ST6GAL1: variants seen among roughly 807,000 people sequenced by gnomAD.
The protein encoded by ST6GAL1 is beta-galactoside alpha-2,6-sialyltransferase 1.
In ST6GAL1, 20 loss-of-function variants were observed where a neutral mutation model predicts 38.0. That is an observed-to-expected ratio of 0.53 (90% CI 0.37 to 0.77). The LOEUF (loss-of-function observed/expected upper bound fraction) is 0.77, where lower values mean the gene tolerates loss of function less well. ST6GAL1 is among the 30% of genes least tolerant of loss of function. ST6GAL1 has a pLI of 0.00. For missense variants in ST6GAL1, 432 were observed against 496.4 expected (o/e 0.87, Z 1.23); for synonymous variants, 196 against 188.2 (o/e 1.04, Z -0.34).
At chr3:186,942,372 AG>A (rs1714209029) in intron 1 of ST6GAL1, 1 of 152,262 alleles carries the variant, frequency 6.6e-6, no homozygotes, top group East Asian at 1.9e-4. Flanking sequence ...CGTACACTTT[AG>A]ATGATCAGGA....
chr3:187,013,683 C>G (rs995063448), intron 2 of ST6GAL1, among the ~76,000 whole-genome samples: 3 of 152,206 alleles, frequency 2.0e-5, no homozygotes, highest in Non-Finnish European at 4.4e-5. Flanking sequence ...CTCCTGGGTT[C>G]AAGCTATTCT....
At chr3:186,968,156 C>T (rs956321553) in intron 2 of ST6GAL1, among the ~76,000 whole-genome samples, 2 of 152,198 alleles carry the variant, frequency 1.3e-5, no homozygotes, top group African/African-American at 4.8e-5. Flanking sequence ...AGTGGCCCAG[C>T]TTTGAAGCCA....
chr3:187,061,411 G>T (rs180982091), intron 5 of ST6GAL1, among the ~76,000 whole-genome samples: 1 of 152,058 alleles, frequency 6.6e-6, no homozygotes, highest in Non-Finnish European at 1.5e-5. Flanking sequence ...AAGGGACCCC[G>T]ATTAACCAAA....
chr3:186,965,718 G>GAA (rs1715088518), intron 2 of ST6GAL1, among the ~76,000 whole-genome samples: 4 of 152,082 alleles, frequency 2.6e-5, no homozygotes, highest in African/African-American at 9.7e-5. Context: ...TCCTCACAGA[G>GAA]CTTACATATA....
At chr3:187,016,907 A>T (rs1717133638) in intron 2 of ST6GAL1, among the ~76,000 whole-genome samples, 1 of 152,208 alleles carries the variant, frequency 6.6e-6, no homozygotes, top group Admixed American at 6.5e-5. Flanking sequence ...ACAGAAGTGA[A>T]AGGCCCACCT....
At chr3:186,998,290 GA>G (rs1418605724) in intron 2 of ST6GAL1, among the ~76,000 whole-genome samples, 1 of 152,082 alleles carries the variant, frequency 6.6e-6, no homozygotes, top group Non-Finnish European at 1.5e-5. Context: ...AACTTAATAC[GA>G]ATATCCTGTT....
intron 2 of ST6GAL1, among the ~76,000 whole-genome samples, chr3:186,970,053 T>C (rs1209294457): frequency 2.0e-5 from 3 of 152,154 alleles, no homozygotes; most frequent in Non-Finnish European, 4.4e-5. Context: ...ATCCTTCCTT[T>C]AGTTTCTTGT....
chr3:187,053,280 T>C (rs903902962), intron 5 of ST6GAL1, among the ~76,000 whole-genome samples: 4 of 152,236 alleles, frequency 2.6e-5, no homozygotes, highest in Non-Finnish European at 5.9e-5. Context: ...TTTCTTTTGC[T>C]GTGCAGAAGC....
intron 1 of ST6GAL1, among the ~76,000 whole-genome samples, chr3:186,960,123 G>T (rs549991016): frequency 1.3e-5 from 2 of 152,278 alleles, no homozygotes; most frequent in South Asian, 4.2e-4. Context: ...CCTGGTTCTG[G>T]GTCTGTGGTT....
At chr3:186,943,659 A>T (rs1178940822) in intron 1 of ST6GAL1, among the ~76,000 whole-genome samples, 2 of 152,142 alleles carry the variant, frequency 1.3e-5, no homozygotes, top group Non-Finnish European at 2.9e-5. Flanking sequence ...CATGTTGGTC[A>T]GGCTGGTCTC....
At chr3:186,962,120 G>T (rs188392822) in intron 1 of ST6GAL1, among the ~76,000 whole-genome samples, 2 of 152,240 alleles carry the variant, frequency 1.3e-5, no homozygotes, top group East Asian at 1.9e-4. Flanking sequence ...TTTGTTGTTC[G>T]CCCTGTTCTG....
chr3:187,043,981 G>T (rs1177802353), intron 4 of ST6GAL1: 1 of 152,204 alleles, frequency 6.6e-6, no homozygotes, highest in Non-Finnish European at 1.5e-5. Flanking sequence ...CTGCAATTGC[G>T]TGCAAAACTG....
chr3:186,996,330 G>A (rs1716403903), intron 2 of ST6GAL1, among the ~76,000 whole-genome samples: 2 of 152,178 alleles, frequency 1.3e-5, no homozygotes, highest in Admixed American at 1.3e-4. Context: ...TTGGAATTAG[G>A]AAGAAACATG....
At chr3:186,986,956 A>G (rs573978236) in intron 2 of ST6GAL1, among the ~76,000 whole-genome samples, 31 of 126,376 alleles carry the variant, frequency 2.5e-4, no homozygotes, top group Middle Eastern at 3.7e-3. Context: ...TCAGAACCAA[A>G]GGTTTTCTTT....
intron 2 of ST6GAL1, among the ~76,000 whole-genome samples, chr3:186,997,266 G>T (rs560311050): frequency 6.6e-6 from 1 of 152,168 alleles, no homozygotes; most frequent in South Asian, 2.1e-4. Context: ...CAATGACCAG[G>T]GTGTCACCCC....
At chr3:187,002,581 G>A (rs1716656763) in intron 2 of ST6GAL1, among the ~76,000 whole-genome samples, 1 of 152,220 alleles carries the variant, frequency 6.6e-6, no homozygotes, top group African/African-American at 2.4e-5. Flanking sequence ...TTGCCGCTAA[G>A]CATCTCCTCT....
rs1463694989 is a variant in ST6GAL1 at position 187,077,793 on chromosome 3, C to G, written c.*1990C>G. The G allele has an allele frequency of 6.6e-6, 1 of 152,380 alleles. No individual in the cohort carries two copies. The highest frequency in any genetic ancestry group is 1.5e-5 in the Non-Finnish European group (1 of 68,168). The allele number at this position is 152,380 out of a possible 1,614,324, so 9.4% of individuals were successfully genotyped here. A position where few individuals can be genotyped will look rare whatever the true frequency, so the allele number is the denominator to read the frequency against. On this transcript the variant is annotated 3_prime_UTR_variant, in exon 8 of 8. Coordinates refer to ENST00000169298, the MANE Select transcript of ST6GAL1 (RefSeq NM_173216.2). Reference sequence around the variant, plus strand: ...TGCATGCACCCTGCTGTGACGGAGGCTAGTGTGGAAGAGGTCCTGTCCTCA... The same window carrying G: ...TGCATGCACCCTGCTGTGACGGAGGGTAGTGTGGAAGAGGTCCTGTCCTCA...
intron 5 of ST6GAL1, among the ~76,000 whole-genome samples, chr3:187,070,997 A>G (rs1211449362): frequency 4.6e-5 from 7 of 152,178 alleles, no homozygotes; most frequent in Admixed American, 2.0e-4. Context: ...ATCTGTAGGA[A>G]GGTATGGGCA....
At chr3:186,990,374 T>C (rs1317752117) in intron 2 of ST6GAL1, among the ~76,000 whole-genome samples, 2 of 152,210 alleles carry the variant, frequency 1.3e-5, no homozygotes, top group Admixed American at 1.3e-4. Context: ...AGGTGACTCA[T>C]TTCCACCTGC....
Sources: allele counts gnomAD v4.1 joint callset (sites outside exome capture counted in the v4.1 genomes callset), GRCh38; gene constraint gnomAD v4.1.1; transcripts MANE v1.5; gene names NCBI Gene and HGNC (gene_info 2026-07-23, HGNC 2026-07-21).